SOBP: variants seen among roughly 807,000 people sequenced by gnomAD.
SOBP encodes the protein sine oculis-binding protein homolog.
A neutral mutation model predicts 53.6 loss-of-function variants in SOBP; 4 were observed. The observed-to-expected ratio is 0.07, with a 90% confidence interval of 0.04 to 0.17. The LOEUF is 0.17. Ranked by LOEUF, SOBP falls within the 10% of genes least tolerant of loss-of-function variation. The probability of loss-of-function intolerance (pLI) is 1.00; values close to 1 mark genes in which losing one functional copy is unlikely to be tolerated. For synonymous variants in SOBP, 584 were observed against 522.6 expected (o/e 1.12, Z -1.60); for missense variants, 1,088 against 1,204.7 (o/e 0.90, Z 1.43).
intron 6 of SOBP, among the ~76,000 whole-genome samples, chr6:107,641,905 A>C (rs540821987): frequency 4.6e-5 from 7 of 152,308 alleles, no homozygotes; most frequent in African/African-American, 1.7e-4. Flanking sequence ...AGATCGTGCC[A>C]AAGGGACGGG....
chr6:107,514,544 T>C (rs759946815), intron 3 of SOBP: 2 of 152,242 alleles, frequency 1.3e-5, no homozygotes, highest in African/African-American at 2.4e-5. Flanking sequence ...CATTTTAGTG[T>C]GTTCTATCAT....
intron 6 of SOBP, among the ~76,000 whole-genome samples, chr6:107,657,993 C>T (rs1772139450): frequency 6.6e-6 from 1 of 152,182 alleles, no homozygotes; most frequent in South Asian, 2.1e-4. Context: ...TTCATTTCCT[C>T]ACACAAAGCT....
chr6:107,533,786 C>T (rs1783913870), intron 4 of SOBP, among the ~76,000 whole-genome samples, 176 bp downstream of exon 4: 2 of 152,176 alleles, frequency 1.3e-5, no homozygotes, highest in African/African-American at 4.8e-5. Context: ...AAGGAATCCC[C>T]TTCTAATGTG....
At chr6:107,630,633 G>GT (rs1770665815) in intron 5 of SOBP, among the ~76,000 whole-genome samples, 2 of 152,052 alleles carry the variant, frequency 1.3e-5, no homozygotes, top group East Asian at 3.9e-4. Context: ...TTAAGTGACA[G>GT]TTTTTCCTCT....
intron 4 of SOBP, among the ~76,000 whole-genome samples, chr6:107,544,022 AAT>A (rs1443409917): frequency 6.6e-6 from 1 of 152,188 alleles, no homozygotes; most frequent in Non-Finnish European, 1.5e-5. Context: ...GATAGCTCAG[AAT>A]ATAGTTTCCT....
At position 107,562,354 on chromosome 6, in the gene SOBP, T is replaced by C. The variant is rs147234020; in HGVS notation, c.574-24726T>C. 7.3e-3 allele frequency among the ~76,000 whole-genome samples: 1,110 copies of C among 152,270 alleles called. 4 individuals carry two copies. Among genetic ancestry groups the C allele is most frequent in the Non-Finnish European group, 0.011 (719 of 68,032 alleles). On this transcript the variant is annotated intron_variant, in intron 4 of 6. Transcript: ENST00000317357. ...TTAAATAGTGAAGTTTACTTAATGA[T>C]GGTATATTAAAAGGAAGCCTTTTGG...
chr6:107,498,187 T>C (rs949811804), intron 1 of SOBP, among the ~76,000 whole-genome samples: 2 of 152,154 alleles, frequency 1.3e-5, no homozygotes, highest in Non-Finnish European at 2.9e-5. Context: ...TTGGAATAGA[T>C]GACATATTTT....
At chr6:107,628,721 G>A (rs1348562466) in intron 5 of SOBP, among the ~76,000 whole-genome samples, 1 of 152,172 alleles carries the variant, frequency 6.6e-6, no homozygotes, top group African/African-American at 2.4e-5. Flanking sequence ...AACATCTTTT[G>A]ATTCTAAATC....
At chr6:107,653,983 G>A (rs1037182121) in intron 6 of SOBP, among the ~76,000 whole-genome samples, 1 of 152,212 alleles carries the variant, frequency 6.6e-6, no homozygotes, top group Non-Finnish European at 1.5e-5. Flanking sequence ...GGAAAATTTT[G>A]TGTTATAAAG....
intron 5 of SOBP, among the ~76,000 whole-genome samples, chr6:107,627,358 C>G (rs1770505193): frequency 6.6e-6 from 1 of 152,176 alleles, no homozygotes; most frequent in African/African-American, 2.4e-5. Flanking sequence ...ATCCTGAAAA[C>G]CAAGCCCATC....
chr6:107,531,559 T>C (rs1339926040), intron 3 of SOBP, among the ~76,000 whole-genome samples: 1 of 152,296 alleles, frequency 6.6e-6, no homozygotes, highest in South Asian at 2.1e-4. Context: ...TGTTCATATG[T>C]AGAGAGATGC....
chr6:107,506,563 A>G (rs1409208711), intron 3 of SOBP, 136 bp downstream of exon 3: 7 of 894,986 alleles, frequency 7.8e-6, no homozygotes, highest in Non-Finnish European at 1.2e-5. Flanking sequence ...AAATGTTAAT[A>G]CAGGCATCAC....
chr6:107,620,223 G>T (rs1455720131), intron 5 of SOBP, among the ~76,000 whole-genome samples: 2 of 152,142 alleles, frequency 1.3e-5, no homozygotes, highest in Admixed American at 6.5e-5. Flanking sequence ...TTAAAGATTT[G>T]CAGTTCCCTG....
chr6:107,575,083 G>C (rs1417633411), intron 4 of SOBP, among the ~76,000 whole-genome samples: 1 of 151,890 alleles, frequency 6.6e-6, no homozygotes, highest in Non-Finnish European at 1.5e-5. Flanking sequence ...GTTGAGATCT[G>C]CACCTGGTGT....
At chr6:107,615,304 T>G (rs995277279) in intron 5 of SOBP, among the ~76,000 whole-genome samples, 2 of 152,082 alleles carry the variant, frequency 1.3e-5, no homozygotes, top group Non-Finnish European at 2.9e-5. Context: ...GAAATAAAAT[T>G]AAGGAAAGAA....
rs535751781 is a variant in SOBP, at chr6:107,617,935, C to G, written c.670-15579C>G. Among the ~76,000 whole-genome samples the G allele has an allele frequency of 3.4e-4, 50 of 147,052 alleles. No homozygotes were observed. In the South Asian group the frequency reaches 0.011, roughly 33 times the overall value. ...ATCTACCTCCTGGGTTCAAGCAGTTCTCTTGCCTCAGCCTCCCAAGTAGCT... is the reference window on the plus strand; with the variant it reads ...ATCTACCTCCTGGGTTCAAGCAGTTGTCTTGCCTCAGCCTCCCAAGTAGCT... On this transcript the variant is annotated intron_variant, in intron 5 of 6. Transcript: ENST00000317357.
At chr6:107,506,652 C>G (rs1428558199) in intron 3 of SOBP, among the ~76,000 whole-genome samples, 1 of 152,102 alleles carries the variant, frequency 6.6e-6, no homozygotes, top group Non-Finnish European at 1.5e-5. Context: ...GACAGTAAAC[C>G]TTTTCTACCA....
At chr6:107,518,807 C>A (rs1422098511) in intron 3 of SOBP, among the ~76,000 whole-genome samples, 1 of 149,244 alleles carries the variant, frequency 6.7e-6, no homozygotes, top group African/African-American at 2.5e-5. Flanking sequence ...AGAATTCCTG[C>A]CTGCATACGA....
In SOBP at chr6:107,491,324, C is replaced by T. The variant is rs1254748289; in HGVS notation, c.96+612C>T. Among the ~76,000 whole-genome samples the T allele has an allele frequency of 1.3e-5, 2 of 152,218 alleles. 1 individual carries two copies. The highest frequency in any genetic ancestry group is 2.9e-5 in the Non-Finnish European group (2 of 68,048). ...CCACTGGCAGCCTCCGCCTCCCGCT[C>T]GCCTCTGCCTGCCTCACTTCCCAGC... On this transcript the variant is annotated intron_variant, in intron 1 of 6. Transcript: ENST00000317357.
Sources: gnomAD v4.1 joint callset for allele counts (sites outside exome capture counted in the v4.1 genomes callset) on GRCh38, gnomAD v4.1.1 for gene constraint, MANE v1.5 for transcripts, NCBI Gene and HGNC (gene_info 2026-07-23, HGNC 2026-07-21) for gene names.